BUB1B: variants seen among roughly 807,000 people sequenced by gnomAD.
The protein encoded by BUB1B is mitotic checkpoint serine/threonine-protein kinase BUB1 beta.
Under a neutral mutation model 137.7 loss-of-function variants are expected in BUB1B, and 86 were observed. The ratio of observed to expected loss-of-function variants is 0.62; its 90% CI spans 0.52 to 0.75. The LOEUF (loss-of-function observed/expected upper bound fraction) is 0.75, where lower values mean the gene tolerates loss of function less well. BUB1B is among the 30% of genes least tolerant of loss of function. BUB1B has a pLI of 0.00. For missense variants in BUB1B, 1,130 were observed against 1,236.9 expected, an observed-to-expected ratio of 0.91 and a Z score of 1.30; for synonymous variants, 420 against 417.9, an observed-to-expected ratio of 1.00 and a Z score of -0.06.
chr15:40,211,159 G>A (rs946304373), intron 18 of BUB1B, among the ~76,000 whole-genome samples: 18 of 151,768 alleles, frequency 1.2e-4, no homozygotes, highest in African/African-American at 3.4e-4. Flanking sequence ...TACTTTCTGA[G>A]TATATTATCA....
intron 22 of BUB1B, among the ~76,000 whole-genome samples, chr15:40,219,185 C>T (rs956473664): frequency 6.6e-6 from 1 of 152,050 alleles, no homozygotes; most frequent in Admixed American, 6.6e-5. Flanking sequence ...GCTAGGATTA[C>T]AGGTGTGAGC....
chr15:40,209,402 C>T (rs2037680856), intron 16 of BUB1B, among the ~76,000 whole-genome samples: 1 of 152,214 alleles, frequency 6.6e-6, no homozygotes, highest in Non-Finnish European at 1.5e-5. Flanking sequence ...CCAGCCTGGG[C>T]AACAGAGCGA....
At chr15:40,197,574 A>C (rs1024331659) in intron 9 of BUB1B, among the ~76,000 whole-genome samples, 1 of 152,206 alleles carries the variant, frequency 6.6e-6, no homozygotes, top group African/African-American at 2.4e-5. Context: ...ATACATCCGT[A>C]TCCAGAATAA....
intron 10 of BUB1B, 94 bp from the exon 11 acceptor site, chr15:40,200,150 C>G: frequency 1.2e-6 from 1 of 850,270 alleles, no homozygotes; most frequent in South Asian, 1.4e-5. Flanking sequence ...TAGTGGATGT[C>G]TAGGGAAAGA....
Position 40,220,794 on chromosome 15 carries a change from G to T in BUB1B, c.*35G>T. The T allele has an allele frequency of 6.3e-7, 1 of 1,589,744 alleles. No individual in the cohort carries two copies. Among genetic ancestry groups the T allele is most frequent in the Non-Finnish European group, 8.6e-7 (1 of 1,157,984 alleles). On this transcript the variant is annotated 3_prime_UTR_variant, in exon 23 of 23. Transcript: ENST00000287598. ...TCAAGTCTCACAGATTGCTGCCTCA[G>T]AGCAATGGTTGTATTGTGGAACACT...
At chr15:40,202,529 G>A (rs1487932012) in intron 13 of BUB1B, 60 bp from the exon 14 acceptor site, 7 of 1,593,190 alleles carry the variant, frequency 4.4e-6, no homozygotes, top group Non-Finnish European at 6.0e-6. Flanking sequence ...TTATAAGTGA[G>A]GATAAATTAG....
At chr15:40,161,829 G>C (rs183365843) in intron 1 of BUB1B, among the ~76,000 whole-genome samples, 7 of 152,226 alleles carry the variant, frequency 4.6e-5, no homozygotes, top group Admixed American at 3.3e-4. Context: ...GCAGTTCTAG[G>C]TTGGAAATCT....
chr15:40,165,264 G>C (rs1365761291), intron 2 of BUB1B, 68 bp downstream of exon 2: 1 of 1,604,138 alleles, frequency 6.2e-7, no homozygotes, highest in Non-Finnish European at 8.5e-7. Flanking sequence ...CGTGGGTGTG[G>C]ATCCATGAGA....
In BUB1B at chr15:40,185,240, A is replaced by T; in HGVS notation, c.827A>T (p.Asp276Val). ...MQNNSRITVF[D>V]ENADEASTAE... ...AATAATAGTAGAATTACTGTTTTTG[A>T]TGAAAATGCTGATGAGGCTTCTACA... Residue 276 changes from aspartate (D) to valine (V), a missense_variant, in exon 7 of 23, where the codon GAT becomes GTT. Coordinates refer to ENST00000287598, the MANE Select transcript of BUB1B (RefSeq NM_001211.6). 2 of 1,614,150 alleles carry T rather than the reference A, an allele frequency of 1.2e-6. No homozygotes were observed. Among genetic ancestry groups the T allele is most frequent in the Non-Finnish European group, 1.7e-6 (2 of 1,179,996 alleles).
intron 6 of BUB1B, among the ~76,000 whole-genome samples, chr15:40,184,801 A>G (rs994853736): frequency 1.3e-5 from 2 of 152,194 alleles, no homozygotes; most frequent in Non-Finnish European, 2.9e-5. Context: ...ATCTCTGCTG[A>G]TTTCCATTGA....
At chr15:40,212,422 G>A (rs2037724928) in intron 18 of BUB1B, 77 bp from the exon 19 acceptor site, 2 of 1,107,380 alleles carry the variant, frequency 1.8e-6, no homozygotes, top group African/African-American at 1.5e-5. Context: ...CAGAAGGGCT[G>A]GAAGGAATGT....
intron 10 of BUB1B, 131 bp downstream of exon 10, chr15:40,199,858 C>T (rs527309549): frequency 2.3e-5 from 17 of 747,860 alleles, no homozygotes; most frequent in South Asian, 4.9e-5. Flanking sequence ...TGTTAGTAGC[C>T]GGAAAGTTGA....
chr15:40,204,231 T>C (rs1488975087), intron 14 of BUB1B, among the ~76,000 whole-genome samples: 2 of 152,232 alleles, frequency 1.3e-5, no homozygotes, highest in African/African-American at 4.8e-5. Flanking sequence ...TATTTTTGTC[T>C]TTTTAAAAAT....
rs587778145 is a variant in BUB1B at position 40,176,664 on chromosome 15, C to T, written c.572C>T (p.Ser191Phe). The T allele has an allele frequency of 6.2e-7, 1 of 1,613,870 alleles. No individual in the cohort carries two copies. Among genetic ancestry groups the T allele is most frequent in the Admixed American group, 1.7e-5 (1 of 59,988 alleles). ...QKAEPLERLQSQHRQFQARVS... is the reference protein window; with the variant it reads ...QKAEPLERLQFQHRQFQARVS... The stretch of plus-strand genomic sequence containing the variant: ...GCTGAACCACTAGAAAGACTACAGT[C>T]CCAGCACCGGTAAACTTTCTTTGGA... The change falls in exon 5 of 23, where the codon TCC (serine) becomes TTC (phenylalanine). Residue 191 changes from serine (S) to phenylalanine (F), a missense_variant. Coordinates refer to ENST00000287598, the MANE Select transcript of BUB1B (RefSeq NM_001211.6).
At chr15:40,215,611 TACA>T (rs753196506) in intron 20 of BUB1B, among the ~76,000 whole-genome samples, 9 of 150,728 alleles carry the variant, frequency 6.0e-5, no homozygotes, top group African/African-American at 2.2e-4. Flanking sequence ...CTACTAAAAA[TACA>T]ACAAGATAGC....
intron 5 of BUB1B, 137 bp from the exon 6 acceptor site, chr15:40,183,577 T>C: frequency 1.2e-6 from 1 of 805,092 alleles, no homozygotes. Flanking sequence ...TCTGAGAGAA[T>C]AAACATGTTC....
intron 20 of BUB1B, among the ~76,000 whole-genome samples, chr15:40,216,567 ATATAT>A (rs1391754628): frequency 0.013 from 726 of 57,562 alleles, 4 homozygotes; most frequent in African/African-American, 0.041. Context: ...ATATATATAT[ATATAT>A]TTTTTTTTTT....
At chr15:40,219,719 C>CA (rs2037864468) in intron 22 of BUB1B, among the ~76,000 whole-genome samples, 7 of 75,692 alleles carry the variant, frequency 9.2e-5, no homozygotes, top group South Asian at 3.1e-4. Context: ...GACTCCGTCT[C>CA]AAAAAAAACT....
At chr15:40,200,214 A>T (rs377757980) in intron 10 of BUB1B, 30 bp from the exon 11 acceptor site, 1 of 1,455,920 alleles carries the variant, frequency 6.9e-7, no homozygotes, top group Non-Finnish European at 9.6e-7. Context: ...GATGGGAGGG[A>T]CATTGATTTT....
Sources: allele counts gnomAD v4.1 joint callset (sites outside exome capture counted in the v4.1 genomes callset), GRCh38; gene constraint gnomAD v4.1.1; transcripts MANE v1.5; gene names NCBI Gene and HGNC (gene_info 2026-07-23, HGNC 2026-07-21).